Variants in CACNA1C observed in about 807,000 individuals in gnomAD.
The protein encoded by CACNA1C is voltage-dependent L-type calcium channel subunit alpha-1C.
CACNA1C carries 30 observed loss-of-function variants against 229.0 expected under a neutral mutation model. The observed-to-expected ratio is 0.13, with a 90% CI of 0.10 to 0.18. CACNA1C has a LOEUF of 0.18. Among genes scored for constraint, CACNA1C ranks in the 10% least tolerant of loss-of-function variants. CACNA1C has a pLI of 1.00. For synonymous variants in CACNA1C, 1,114 were observed against 1,132.5 expected, an observed-to-expected ratio of 0.98 and a Z score of 0.33; for missense variants, 1,658 against 2,845.0, an observed-to-expected ratio of 0.58 and a Z score of 9.49.
intron 3 of CACNA1C, among the ~76,000 whole-genome samples, chr12:2,141,473 T>G (rs1001412106): frequency 6.6e-6 from 1 of 151,312 alleles, no homozygotes; most frequent in African/African-American, 2.4e-5. Context: ...GCCAGAAGCT[T>G]CTGGGACACA....
intron 3 of CACNA1C, among the ~76,000 whole-genome samples, chr12:2,251,090 G>A (rs1213472982): frequency 6.6e-6 from 1 of 152,226 alleles, no homozygotes; most frequent in Non-Finnish European, 1.5e-5. Flanking sequence ...TGAGAGGGAT[G>A]TGTGTCTGCT....
intron 1 of CACNA1C, among the ~76,000 whole-genome samples, chr12:2,077,131 C>T (rs1021163463): frequency 6.6e-6 from 1 of 152,242 alleles, no homozygotes; most frequent in African/African-American, 2.4e-5. Flanking sequence ...CAGCTAATAG[C>T]TGCATGTGTG....
Position 2,493,143 on chromosome 12 carries a change from C to T in CACNA1C, c.917-47C>T, listed in dbSNP as rs1414311979. On this transcript the variant is annotated intron_variant, in intron 6 of 46. Transcript: ENST00000399655. The surrounding 1 kb of genome is among the most constrained non-coding windows in gnomAD (Gnocchi z 4.6). ...CTGACTTCTTTCTCTGCCCACATCT[C>T]TCCCTCCCTGCTGCTCCCGTCTCCT... 2 of 1,527,122 alleles carry T rather than the reference C, an allele frequency of 1.3e-6. No homozygotes were observed. The highest frequency in any genetic ancestry group is 1.7e-5 in the Admixed American group (1 of 59,124). The allele number at this position is 1,527,122 out of a possible 1,614,324, so 94.6% of individuals were successfully genotyped here.
At chr12:2,543,175 G>A (rs1274255289) in intron 9 of CACNA1C, among the ~76,000 whole-genome samples, 1 of 152,160 alleles carries the variant, frequency 6.6e-6, no homozygotes, top group African/African-American at 2.4e-5. Context: ...CGGAAAACAA[G>A]CTTCCTGTAT....
intron 3 of CACNA1C, among the ~76,000 whole-genome samples, chr12:2,444,695 CCA>C (rs1176027134): frequency 1.1e-4 from 17 of 152,160 alleles, no homozygotes; most frequent in Admixed American, 1.1e-3. Flanking sequence ...GCATCACCAT[CCA>C]CACAGTCACC....
chr12:2,179,286 A>C (rs530624861), intron 3 of CACNA1C, among the ~76,000 whole-genome samples: 376 of 152,334 alleles, frequency 2.5e-3, no homozygotes, highest in African/African-American at 8.4e-3. Context: ...TTCAGCACAG[A>C]AGTAAGTCGG....
intron 32 of CACNA1C, among the ~76,000 whole-genome samples, chr12:2,652,152 G>A (rs1044020462): frequency 2.0e-5 from 3 of 152,298 alleles, no homozygotes; most frequent in East Asian, 1.9e-4. Flanking sequence ...ATGGCCCTTC[G>A]AGTTCAGCAT....
chr12:2,099,185 CGAAAAGAAAAAG>C (rs1290055246), intron 1 of CACNA1C, among the ~76,000 whole-genome samples: 2 of 151,994 alleles, frequency 1.3e-5, no homozygotes, highest in Non-Finnish European at 2.9e-5. Flanking sequence ...TTAAACAAGA[CGAAAAGAAAAAG>C]GAAAAGATGA....
At chr12:2,086,618 C>A (rs2067768674) in intron 1 of CACNA1C, among the ~76,000 whole-genome samples, 1 of 152,216 alleles carries the variant, frequency 6.6e-6, no homozygotes, top group African/African-American at 2.4e-5. Context: ...AGTGCAGTTA[C>A]TCCTGGTCAG....
At chr12:2,159,978 A>G (rs892647612) in intron 3 of CACNA1C, among the ~76,000 whole-genome samples, 3 of 152,196 alleles carry the variant, frequency 2.0e-5, no homozygotes, top group African/African-American at 7.2e-5. Flanking sequence ...TGTTTTGAGT[A>G]TCTGTTATGT....
chr12:2,206,088 T>C (rs977595454), intron 3 of CACNA1C, among the ~76,000 whole-genome samples: 1 of 152,008 alleles, frequency 6.6e-6, no homozygotes, highest in African/African-American at 2.4e-5. Flanking sequence ...TTACCCTGAT[T>C]TGAGGAGTGT....
chr12:2,145,315 T>C (rs1316539702), intron 3 of CACNA1C, among the ~76,000 whole-genome samples: 2 of 151,244 alleles, frequency 1.3e-5, no homozygotes, highest in Admixed American at 1.3e-4. Context: ...CTTTTCATTT[T>C]CTCCAGTGTA....
intron 3 of CACNA1C, among the ~76,000 whole-genome samples, chr12:2,277,811 G>A (rs774632549): frequency 1.7e-4 from 26 of 152,218 alleles, no homozygotes; most frequent in Non-Finnish European, 2.9e-4. Flanking sequence ...TGTTTTCTCT[G>A]ATGCTGCTTT....
chr12:2,388,359 T>C (rs1199107787), intron 3 of CACNA1C, among the ~76,000 whole-genome samples: 1 of 152,230 alleles, frequency 6.6e-6, no homozygotes, highest in Non-Finnish European at 1.5e-5. Context: ...GATGGATTAG[T>C]TGATCACCTT....
intron 3 of CACNA1C, among the ~76,000 whole-genome samples, chr12:2,207,835 C>CAAAA (rs113589726): frequency 1.3e-5 from 2 of 151,020 alleles, no homozygotes; most frequent in African/African-American, 2.4e-5. Flanking sequence ...ACAAAACAAA[C>CAAAA]AAAAAAAACC....
intron 5 of CACNA1C, among the ~76,000 whole-genome samples, chr12:2,463,223 T>C (rs879631468): frequency 6.6e-6 from 1 of 152,364 alleles, no homozygotes; most frequent in Middle Eastern, 3.4e-3. Context: ...AGTTGCATTT[T>C]TTAAATGCAC....
At chr12:2,549,683 TGA>T (rs996829090) in intron 9 of CACNA1C, among the ~76,000 whole-genome samples, 1 of 152,176 alleles carries the variant, frequency 6.6e-6, no homozygotes, top group Admixed American at 6.5e-5. Flanking sequence ...ATGTGTCCTA[TGA>T]GGTAAAATGC....
At chr12:2,391,216 G>T (rs2098474124) in intron 3 of CACNA1C, among the ~76,000 whole-genome samples, 1 of 152,174 alleles carries the variant, frequency 6.6e-6, no homozygotes. Flanking sequence ...GGCCATTTGG[G>T]GCATGTTTGG....
intron 1 of CACNA1C, chr12:1,998,111 A>T: frequency 1.5e-6 from 1 of 667,480 alleles, no homozygotes; most frequent in Non-Finnish European, 2.4e-6. Flanking sequence ...AGTTATTCTC[A>T]GGAAAAGGAG....
Sources: allele counts gnomAD v4.1 joint callset (sites outside exome capture counted in the v4.1 genomes callset), GRCh38; gene constraint gnomAD v4.1.1; non-coding constraint Gnocchi (gnomAD v3.1); transcripts MANE v1.5; gene names NCBI Gene and HGNC (gene_info 2026-07-23, HGNC 2026-07-21).